The following RFC1 variants were observed in gnomAD, a reference collection of about 807,000 sequenced individuals.
RFC1 encodes replication factor C subunit 1.
In RFC1, 37 loss-of-function variants were observed where a neutral mutation model predicts 137.4. The ratio of observed to expected loss-of-function variants is 0.27; its 90% CI spans 0.21 to 0.35. The LOEUF is 0.35. RFC1 is among the 10% of genes least tolerant of loss of function. RFC1 has a pLI of 1.00. For synonymous variants in RFC1, 429 were observed against 455.7 expected (o/e 0.94, Z 0.75); for missense variants, 1,205 against 1,358.5 (o/e 0.89, Z 1.78).
chr4:39,302,385 A>G lies in RFC1; in HGVS notation c.2437-9T>C, dbSNP rs1377478324. ...CTCAGATTATGTAAAACCTAAAAGA[A>G]TCACAAATAAGACAACGTCAAGATA... On this transcript the variant is annotated splice_polypyrimidine_tract_variant and intron_variant, in intron 18 of 24. Coordinates refer to ENST00000349703, the MANE Select transcript of RFC1 (RefSeq NM_002913.5). 1 of 1,601,148 alleles carries G rather than the reference A, an allele frequency of 6.2e-7. No individual in the cohort carries two copies. Among genetic ancestry groups the G allele is most frequent in the Non-Finnish European group, 8.6e-7 (1 of 1,168,232 alleles).
At chr4:39,362,750 G>A (rs962652479) in intron 1 of RFC1, among the ~76,000 whole-genome samples, 19 of 152,138 alleles carry the variant, frequency 1.2e-4, no homozygotes, top group African/African-American at 4.6e-4. Flanking sequence ...AAAAAAGACA[G>A]ACATGCAAGG....
chr4:39,337,288 C>T (rs905774381), intron 4 of RFC1, among the ~76,000 whole-genome samples: 12 of 151,740 alleles, frequency 7.9e-5, no homozygotes, highest in African/African-American at 2.9e-4. Context: ...GCAGGAGACT[C>T]GCTTGAACCT....
intron 23 of RFC1, among the ~76,000 whole-genome samples, chr4:39,290,853 T>C (rs1056084484): frequency 2.0e-5 from 3 of 150,238 alleles, no homozygotes; most frequent in Admixed American, 6.6e-5. Context: ...TCACAAGATA[T>C]AAGTTGGCCT....
chr4:39,336,251 T>C (rs1035606259), intron 4 of RFC1, among the ~76,000 whole-genome samples: 12 of 152,172 alleles, frequency 7.9e-5, no homozygotes, highest in Non-Finnish European at 1.5e-4. Context: ...GACCTTTGAA[T>C]CATCATATAA....
chr4:39,308,559 T>C, intron 13 of RFC1, 77 bp downstream of exon 13: 1 of 1,516,956 alleles, frequency 6.6e-7, no homozygotes, highest in East Asian at 2.3e-5. Flanking sequence ...AATCGTTAGA[T>C]TTTCTCATAT....
intron 2 of RFC1, among the ~76,000 whole-genome samples, chr4:39,347,689 T>C (rs990217703): frequency 3.9e-5 from 6 of 152,138 alleles, no homozygotes; most frequent in African/African-American, 1.4e-4. Flanking sequence ...GAACGTTAAA[T>C]GTAATAACAA....
At chr4:39,310,213 A>G (rs1197168669) in intron 12 of RFC1, among the ~76,000 whole-genome samples, 1 of 152,184 alleles carries the variant, frequency 6.6e-6, no homozygotes, top group Non-Finnish European at 1.5e-5. Flanking sequence ...AGTACTCATT[A>G]AAAGTGTCAA....
intron 1 of RFC1, among the ~76,000 whole-genome samples, chr4:39,354,506 A>G (rs1741360726): frequency 6.6e-6 from 1 of 152,188 alleles, no homozygotes; most frequent in Non-Finnish European, 1.5e-5. Flanking sequence ...CAAATATTTA[A>G]ATTTATTTTT....
intron 15 of RFC1, among the ~76,000 whole-genome samples, 184 bp downstream of exon 15, chr4:39,304,630 A>C (rs1738539800): frequency 6.6e-6 from 1 of 152,178 alleles, no homozygotes; most frequent in South Asian, 2.1e-4. Context: ...GAAACCTCTA[A>C]GACCTACGAA....
chr4:39,303,281 TAC>T (rs1738462773), intron 15 of RFC1, 130 bp from the exon 16 acceptor site: 2 of 579,664 alleles, frequency 3.5e-6, no homozygotes, highest in East Asian at 2.9e-5. Context: ...AGCACTGGAC[TAC>T]AGAGTGTTGT....
intron 9 of RFC1, 64 bp from the exon 10 acceptor site, chr4:39,317,086 A>G (rs2066790): frequency 0.34 from 322,193 of 942,068 alleles, 56,564 homozygotes; most frequent in Middle Eastern, 0.36. Context: ...TTTAAAATAC[A>G]TATCTAGAAA....
chr4:39,346,166 C>T (rs546156734), intron 2 of RFC1, among the ~76,000 whole-genome samples: 3 of 152,296 alleles, frequency 2.0e-5, no homozygotes, highest in Non-Finnish European at 4.4e-5. Context: ...TACCACTAGC[C>T]AATGCCTGTT....
chr4:39,339,109 C>T (rs1443689760), intron 4 of RFC1, among the ~76,000 whole-genome samples: 1 of 151,898 alleles, frequency 6.6e-6, no homozygotes, highest in Non-Finnish European at 1.5e-5. Context: ...AAATAATATT[C>T]CATTATTACA....
intron 4 of RFC1, among the ~76,000 whole-genome samples, chr4:39,330,087 G>A (rs150771892): frequency 1.3e-5 from 2 of 152,176 alleles, no homozygotes; most frequent in Non-Finnish European, 2.9e-5. Context: ...AGGTCTTGGT[G>A]GGGATGGGGG....
At chr4:39,316,317 C>A (rs1001170267) in intron 10 of RFC1, among the ~76,000 whole-genome samples, 1 of 152,164 alleles carries the variant, frequency 6.6e-6, no homozygotes, top group Admixed American at 6.5e-5. Flanking sequence ...ACCTCTTTGG[C>A]CATTCTCATC....
At chr4:39,361,911 C>T (rs1020524343) in intron 1 of RFC1, among the ~76,000 whole-genome samples, 8 of 151,496 alleles carry the variant, frequency 5.3e-5, no homozygotes, top group South Asian at 2.1e-4. Flanking sequence ...CAGTGGCGGG[C>T]GCCTGTAGTC....
intron 3 of RFC1, among the ~76,000 whole-genome samples, 174 bp downstream of exon 3, chr4:39,345,227 C>G (rs1030420736): frequency 3.3e-5 from 5 of 152,136 alleles, no homozygotes; most frequent in Admixed American, 2.6e-4. Flanking sequence ...GTTGGCCAGG[C>G]TGGTCTCGAA....
chr4:39,351,253 GAAAAAAAAAAAAAAAA>G (rs58906519), intron 2 of RFC1, 79 bp downstream of exon 2: 60 of 315,114 alleles, frequency 1.9e-4, no homozygotes, highest in East Asian at 7.2e-4. Flanking sequence ...TCTGTCTCAG[GAAAAAAAAAAAAAAAA>G]AAAAAAAAAA....
chr4:39,366,209 C>G, intron 1 of RFC1, 30 bp downstream of exon 1: 1 of 1,552,474 alleles, frequency 6.4e-7, no homozygotes, highest in Non-Finnish European at 8.7e-7. Flanking sequence ...CCCCAGACCC[C>G]GAGCCGCACG....
Sources: gnomAD v4.1 joint callset for allele counts (sites outside exome capture counted in the v4.1 genomes callset) on GRCh38, gnomAD v4.1.1 for gene constraint, MANE v1.5 for transcripts, NCBI Gene and HGNC (gene_info 2026-07-23, HGNC 2026-07-21) for gene names.